Variants in DGAT2 observed in about 807,000 individuals in gnomAD.
DGAT2 encodes acyl-CoA retinol O-fatty-acyltransferase.
DGAT2 carries 33 observed loss-of-function variants against 48.4 expected under a neutral mutation model. The ratio of observed to expected loss-of-function variants is 0.68; its 90% CI spans 0.52 to 0.91. The LOEUF (loss-of-function observed/expected upper bound fraction) is 0.91. Ranked by LOEUF, DGAT2 falls within the 40% of genes least tolerant of loss-of-function variation. DGAT2 has a pLI of 0.00. For synonymous variants in DGAT2, 191 were observed against 194.1 expected, an observed-to-expected ratio of 0.98 and a Z score of 0.13; for missense variants, 446 against 493.7, an observed-to-expected ratio of 0.90 and a Z score of 0.92.
chr11:75,797,684 T>C (rs1375615687), intron 6 of DGAT2, among the ~76,000 whole-genome samples: 1 of 152,142 alleles, frequency 6.6e-6, no homozygotes, highest in Non-Finnish European at 1.5e-5. Flanking sequence ...GGACAGCAGC[T>C]GTTTTCTCTG....
At chr11:75,797,782 T>C (rs1233954068) in intron 6 of DGAT2, among the ~76,000 whole-genome samples, 5 of 152,080 alleles carry the variant, frequency 3.3e-5, no homozygotes. Context: ...ACATTCATAT[T>C]GGACCCAGTC....
chr11:75,798,838 G>A (rs1360370005), intron 7 of DGAT2, among the ~76,000 whole-genome samples: 1 of 152,188 alleles, frequency 6.6e-6, no homozygotes, highest in East Asian at 1.9e-4. Flanking sequence ...AATAGAGGAG[G>A]AAGAGAATTT....
intron 4 of DGAT2, chr11:75,792,646 G>A (rs537177778): frequency 2.0e-5 from 3 of 152,154 alleles, no homozygotes; most frequent in South Asian, 2.1e-4. Context: ...GTTGGCACAG[G>A]TGGGGTTCTT....
At chr11:75,783,455 C>T (rs987364979) in intron 1 of DGAT2, among the ~76,000 whole-genome samples, 4 of 152,172 alleles carry the variant, frequency 2.6e-5, no homozygotes, top group Non-Finnish European at 5.9e-5. Context: ...TGAGTGTAGG[C>T]CCCTAAATCC....
At chr11:75,791,227 A>T (rs1816289207) in intron 4 of DGAT2, among the ~76,000 whole-genome samples, 1 of 152,218 alleles carries the variant, frequency 6.6e-6, no homozygotes, top group Non-Finnish European at 1.5e-5. Flanking sequence ...TGCAGGGTGC[A>T]GGGTGGTGTA....
Position 75,769,035 on chromosome 11 carries a change from A to T in DGAT2, c.44A>T (p.Glu15Val), listed in dbSNP as rs373978843. 1.0e-4 allele frequency: 158 copies of T among 1,577,016 alleles called. No homozygotes were observed. Among genetic ancestry groups the T allele is most frequent in the Non-Finnish European group, 1.3e-4 (152 of 1,164,282 alleles). The change falls in exon 1 of 8, where the codon GAG becomes GTG. Residue 15 changes from glutamate (E) to valine (V), a missense_variant. Coordinates refer to ENST00000228027, the MANE Select transcript of DGAT2 (RefSeq NM_032564.5). ...GCCTACTCCGGGGTCCTGCGCGGCG[A>T]GCGTCAGGCCGAGGCTGACCGGAGC... ...IAAYSGVLRG[E>V]RQAEADRSQR...
chr11:75,796,912 C>T, intron 5 of DGAT2: 1 of 457,270 alleles, frequency 2.2e-6, no homozygotes, highest in Non-Finnish European at 3.9e-6. Context: ...GAATTAGGGC[C>T]CTGGGAATGT....
chr11:75,773,055 T>A (rs573703993), intron 1 of DGAT2, among the ~76,000 whole-genome samples: 12 of 152,318 alleles, frequency 7.9e-5, no homozygotes, highest in Non-Finnish European at 1.8e-4. Flanking sequence ...ACCTTGTCTG[T>A]CTTTCTCAGT....
chr11:75,769,052 G>A lies in DGAT2; in HGVS notation c.61G>A (p.Asp21Asn), dbSNP rs146363434. The A allele has an allele frequency of 6.2e-4, 979 of 1,580,404 alleles. 11 individuals carry two copies. The East Asian group carries it at 0.015, about 25-fold the overall frequency. ...VLRGERQAEA[D>N]RSQRSHGGPA... ...GCGCGGCGAGCGTCAGGCCGAGGCTGACCGGAGCCAGCGCTCTCACGGAGG... is the reference window on the plus strand; with the variant it reads ...GCGCGGCGAGCGTCAGGCCGAGGCTAACCGGAGCCAGCGCTCTCACGGAGG... Residue 21 changes from aspartate (D) to asparagine (N), a missense_variant, in exon 1 of 8, where the codon GAC becomes AAC. Coordinates refer to ENST00000228027, the MANE Select transcript of DGAT2 (RefSeq NM_032564.5).
rs534740872 is a variant in DGAT2 at position 75,796,998 on chromosome 11, A to G, written c.635-160A>G. ...TACAGATGAGGAAACTGAGGCTCAG[A>G]AAAATGAATAGCTTACACAGAACCA... On this transcript the variant is annotated intron_variant, in intron 5 of 7. Transcript: ENST00000228027. 7.6e-6 allele frequency: 5 copies of G among 656,150 alleles called. No homozygotes were observed. The African/African-American group carries it at 9.2e-5, about 12-fold the overall frequency. The allele number at this position is 656,150 out of a possible 1,614,324, so 40.6% of individuals were successfully genotyped here.
At chr11:75,788,462 A>G (rs753300209) in intron 2 of DGAT2, among the ~76,000 whole-genome samples, 5 of 152,134 alleles carry the variant, frequency 3.3e-5, no homozygotes, top group Non-Finnish European at 7.4e-5. Flanking sequence ...GTCACTCTGT[A>G]TTCACTGTTC....
intron 1 of DGAT2, among the ~76,000 whole-genome samples, chr11:75,783,113 C>T (rs562299613): frequency 3.3e-5 from 5 of 152,288 alleles, no homozygotes; most frequent in South Asian, 2.1e-4. Context: ...CACATCCTGC[C>T]GCCTCCACCC....
chr11:75,777,844 C>G (rs898290677), intron 1 of DGAT2, among the ~76,000 whole-genome samples: 2 of 152,214 alleles, frequency 1.3e-5, no homozygotes, highest in Non-Finnish European at 2.9e-5. Context: ...CTGCCCCTCT[C>G]TCTATCTCAT....
chr11:75,799,921 A>G (rs904642483), intron 7 of DGAT2, among the ~76,000 whole-genome samples: 13 of 152,026 alleles, frequency 8.6e-5, no homozygotes, highest in Non-Finnish European at 1.5e-4. Flanking sequence ...CCTGGCCTAC[A>G]CTTTTTAAAG....
At position 75,768,996 on chromosome 11, in the gene DGAT2, A is replaced by G. The variant is rs757323849; in HGVS notation, c.5A>G (p.Lys2Arg). 2.1e-5 allele frequency: 33 copies of G among 1,550,838 alleles called. 2 individuals carry two copies. In the South Asian group the frequency reaches 3.6e-4, roughly 17 times the overall value. Residue 2 changes from lysine to arginine, a missense_variant, in exon 1 of 8, where the codon AAG becomes AGG. By Grantham distance (26) the Lys-to-Arg change is conservative (BLOSUM62 2). Coordinates refer to ENST00000228027, the MANE Select transcript of DGAT2 (RefSeq NM_032564.5). Reference protein sequence around the residue: MKTLIAAYSGVL... With the variant: MRTLIAAYSGVL... Reference sequence around the variant, plus strand: ...GTGACTGGGCGGGCTTCAGCCATGAAGACCCTCATAGCCGCCTACTCCGGG... The same window carrying G: ...GTGACTGGGCGGGCTTCAGCCATGAGGACCCTCATAGCCGCCTACTCCGGG...
chr11:75,783,782 C>T (rs1045981262), intron 1 of DGAT2, among the ~76,000 whole-genome samples: 1 of 152,184 alleles, frequency 6.6e-6, no homozygotes, highest in Non-Finnish European at 1.5e-5. Flanking sequence ...TCCCTACTGC[C>T]CATCAGCTGC....
intron 4 of DGAT2, 46 bp from the exon 5 acceptor site, chr11:75,796,282 A>G (rs372220912): frequency 6.8e-5 from 105 of 1,553,784 alleles, no homozygotes; most frequent in Non-Finnish European, 9.2e-5. Flanking sequence ...ATGCCCCGGT[A>G]TCCCTCTCCC....
chr11:75,771,725 T>A (rs879898494), intron 1 of DGAT2, among the ~76,000 whole-genome samples: 15 of 151,986 alleles, frequency 9.9e-5, no homozygotes, highest in Middle Eastern at 3.4e-3. Flanking sequence ...CCGTGTGGCT[T>A]CCCCCCTCAC....
At chr11:75,790,141 G>A in intron 2 of DGAT2, 47 bp from the exon 3 acceptor site, 1 of 1,371,166 alleles carries the variant, frequency 7.3e-7, no homozygotes, top group Non-Finnish European at 1.0e-6. Context: ...GGCCCAGAGG[G>A]GAGATGAAGC....
Sources: allele counts gnomAD v4.1 joint callset (sites outside exome capture counted in the v4.1 genomes callset), GRCh38; gene constraint gnomAD v4.1.1; transcripts MANE v1.5; gene names NCBI Gene and HGNC (gene_info 2026-07-23, HGNC 2026-07-21).